Variants in ADAMTS16 observed in about 807,000 individuals in gnomAD.
The protein encoded by ADAMTS16 is A disintegrin and metalloproteinase with thrombospondin motifs 16.
In ADAMTS16, 94 loss-of-function variants were observed where a neutral mutation model predicts 145.8. That is an observed-to-expected ratio of 0.64 (90% CI 0.55 to 0.77). The LOEUF (loss-of-function observed/expected upper bound fraction) is 0.77, where lower values mean the gene tolerates loss of function less well. ADAMTS16 is among the 30% of genes least tolerant of loss of function. ADAMTS16 has a pLI of 0.00. For missense variants in ADAMTS16, 1,585 were observed against 1,591.5 expected (o/e 1.00, Z 0.07); for synonymous variants, 659 against 604.3 (o/e 1.09, Z -1.33).
At position 5,306,667 on chromosome 5, in the gene ADAMTS16, A is replaced by AC. The variant is rs775778317; in HGVS notation, c.3356dup (p.Phe1120IlefsTer102). ...TGCGCCCCGCTTCCATGCCCCAGGC[A>AC]CCCCCCATTTGCTGCTGCGGGACCC... On this transcript the variant is annotated frameshift_variant, in exon 21 of 23. Coordinates refer to ENST00000274181, the MANE Select transcript of ADAMTS16 (RefSeq NM_139056.4). LOFTEE classifies it high-confidence loss of function. The AC allele has an allele frequency of 1.2e-5, 19 of 1,613,630 alleles. No homozygotes were observed. Among genetic ancestry groups the AC allele is most frequent in the South Asian group, 2.2e-5 (2 of 91,054 alleles).
At chr5:5,172,735 CT>C (rs970327041) in intron 3 of ADAMTS16, among the ~76,000 whole-genome samples, 4 of 149,656 alleles carry the variant, frequency 2.7e-5, no homozygotes, top group Admixed American at 1.3e-4. Context: ...ATAAAATGTT[CT>C]GTAAATATCT....
chr5:5,319,743 C>T lies in ADAMTS16; in HGVS notation c.*605C>T, dbSNP rs948037030. 1.0e-5 allele frequency: 4 copies of T among 397,122 alleles called. No homozygotes were observed. Among genetic ancestry groups the T allele is most frequent in the South Asian group, 7.8e-5 (4 of 51,588 alleles). The allele number at this position is 397,122 out of a possible 1,614,324, so 24.6% of individuals were successfully genotyped here. ...GGAGCCAGCGTCATCTCTAGGGTCACTGGCCAGGGGACTGCATTCTGGTTT... is the reference window on the plus strand; with the variant it reads ...GGAGCCAGCGTCATCTCTAGGGTCATTGGCCAGGGGACTGCATTCTGGTTT... On this transcript the variant is annotated 3_prime_UTR_variant, in exon 23 of 23. Coordinates refer to ENST00000274181, the MANE Select transcript of ADAMTS16 (RefSeq NM_139056.4).
At chr5:5,190,911 T>G (rs184783341) in intron 7 of ADAMTS16, among the ~76,000 whole-genome samples, 1 of 152,062 alleles carries the variant, frequency 6.6e-6, no homozygotes, top group African/African-American at 2.4e-5. Context: ...TGTGCCTAAA[T>G]TGTGTGTACA....
At chr5:5,173,087 T>A (rs1259299592) in intron 3 of ADAMTS16, among the ~76,000 whole-genome samples, 1 of 152,126 alleles carries the variant, frequency 6.6e-6, no homozygotes, top group Non-Finnish European at 1.5e-5. Context: ...TTCTATTCCT[T>A]TATTTTTAGT....
intron 2 of ADAMTS16, among the ~76,000 whole-genome samples, chr5:5,145,344 C>T (rs924111938): frequency 3.1e-4 from 47 of 152,310 alleles, no homozygotes; most frequent in African/African-American, 1.1e-3. Context: ...AATCTAGGCT[C>T]TTGAGGCCAC....
At chr5:5,302,056 C>T (rs34135069) in intron 18 of ADAMTS16, among the ~76,000 whole-genome samples, 29,526 of 152,132 alleles carry the variant, frequency 0.19, 3,045 homozygotes, top group South Asian at 0.29. Context: ...CTCAAGCCCT[C>T]CTGCCCAGTG....
chr5:5,150,752 T>C (rs1440756780), intron 3 of ADAMTS16, among the ~76,000 whole-genome samples: 1 of 152,220 alleles, frequency 6.6e-6, no homozygotes, highest in Non-Finnish European at 1.5e-5. Flanking sequence ...AGTTGGTCCA[T>C]AGTCATCCGT....
intron 4 of ADAMTS16, among the ~76,000 whole-genome samples, chr5:5,185,700 C>T (rs1475831596): frequency 6.6e-6 from 1 of 152,192 alleles, no homozygotes; most frequent in Non-Finnish European, 1.5e-5. Flanking sequence ...ATTGCTTTGT[C>T]TTTGCAGAGG....
intron 18 of ADAMTS16, among the ~76,000 whole-genome samples, chr5:5,282,858 A>G (rs1208938875): frequency 1.3e-5 from 2 of 152,088 alleles, no homozygotes; most frequent in African/African-American, 4.8e-5. Context: ...GTTTTTTTCA[A>G]GAACAGTTTA....
intron 18 of ADAMTS16, among the ~76,000 whole-genome samples, chr5:5,266,252 C>T (rs56127565): frequency 1.3e-5 from 2 of 152,266 alleles, no homozygotes; most frequent in East Asian, 3.9e-4. Flanking sequence ...AACACAGGAA[C>T]AAGCTACCAA....
chr5:5,197,277 C>T (rs1374513226), intron 8 of ADAMTS16, among the ~76,000 whole-genome samples: 1 of 152,152 alleles, frequency 6.6e-6, no homozygotes, highest in East Asian at 1.9e-4. Context: ...ACAAATACTT[C>T]CCAATAGTAA....
intron 3 of ADAMTS16, among the ~76,000 whole-genome samples, chr5:5,155,770 GA>G (rs1192964128): frequency 3.9e-5 from 6 of 152,008 alleles, no homozygotes; most frequent in African/African-American, 7.2e-5. Context: ...GGACAAACAG[GA>G]AGTCCACCCC....
At chr5:5,280,505 G>A (rs1233729733) in intron 18 of ADAMTS16, among the ~76,000 whole-genome samples, 1 of 152,178 alleles carries the variant, frequency 6.6e-6, no homozygotes, top group Non-Finnish European at 1.5e-5. Context: ...GTACTCTGAA[G>A]CACAGAGACA....
At chr5:5,186,308 G>C (rs1354653350) in intron 5 of ADAMTS16, 57 bp downstream of exon 5, 32 of 1,253,154 alleles carry the variant, frequency 2.6e-5, no homozygotes, top group Non-Finnish European at 3.5e-5. Flanking sequence ...TAGGGTGTGT[G>C]TGTGTGTGTG....
At chr5:5,281,360 C>T (rs910883808) in intron 18 of ADAMTS16, among the ~76,000 whole-genome samples, 2 of 152,062 alleles carry the variant, frequency 1.3e-5, no homozygotes, top group African/African-American at 4.8e-5. Context: ...ACACTTCGTT[C>T]CTTATATCAA....
chr5:5,319,361 T>C lies in ADAMTS16; in HGVS notation c.*223T>C. 1.9e-6 allele frequency: 1 copy of C among 530,384 alleles called. No homozygotes were observed. The highest frequency in any genetic ancestry group is 3.4e-5 in the Admixed American group (1 of 29,832). The allele number at this position is 530,384 out of a possible 1,614,324, so 32.9% of individuals were successfully genotyped here. On this transcript the variant is annotated 3_prime_UTR_variant, in exon 23 of 23. Transcript: ENST00000274181. ...CAGTGTCTCCTGTCAGGCTGAAATG[T>C]GGCACCCTGGCAGACAGAGCTGTGG... is the stretch of plus-strand genomic sequence containing the variant.
Position 5,303,665 on chromosome 5 carries a change from G to A in ADAMTS16, c.3085G>A (p.Val1029Ile), listed in dbSNP as rs1475391920. Residue 1029 changes from valine to isoleucine, a missense_variant, in exon 20 of 23, where the codon GTC becomes ATC. By Grantham distance (29) the Val-to-Ile change is conservative (BLOSUM62 3). Around this residue, in one of 3 missense-constraint regions of ADAMTS16, gnomAD observed 834 missense variants for 811.7 expected, o/e 1.03. Coordinates refer to ENST00000274181, the MANE Select transcript of ADAMTS16 (RefSeq NM_139056.4). ...SARAQLLPDA[V>I]CTSEPKPRMH... is the part of the protein sequence containing the mutation. The stretch of plus-strand genomic sequence containing the variant: ...CAGAGCGCAGCTGCTGCCCGACGCT[G>A]TCTGCACCTCCGAGCCCAAGCCCAG... 6.2e-7 allele frequency: 1 copy of A among 1,613,958 alleles called. No homozygotes were observed. Among genetic ancestry groups the A allele is most frequent in the East Asian group, 2.2e-5 (1 of 44,876 alleles).
chr5:5,240,056 G>A (rs888247231), intron 16 of ADAMTS16, 131 bp downstream of exon 16: 23 of 1,398,520 alleles, frequency 1.6e-5, no homozygotes, highest in East Asian at 1.4e-4. Context: ...ATCCATAGCC[G>A]GAATGAGGCA....
chr5:5,235,253 A>G, intron 13 of ADAMTS16, 67 bp downstream of exon 13: 2 of 1,402,478 alleles, frequency 1.4e-6, no homozygotes, highest in Non-Finnish European at 1.9e-6. Flanking sequence ...AAAGAAGTAC[A>G]TGATTGAGAG....
Sources: gnomAD v4.1 joint callset for allele counts (sites outside exome capture counted in the v4.1 genomes callset) on GRCh38, gnomAD v4.1.1 for gene constraint, gnomAD v4.1.1 regional missense constraint, MANE v1.5 for transcripts, NCBI Gene and HGNC (gene_info 2026-07-23, HGNC 2026-07-21) for gene names.